Variants in CDH13 observed in about 807,000 individuals in gnomAD.
CDH13 encodes the protein cadherin 13, also known as cadherin-13.
Under a neutral mutation model 63.8 loss-of-function variants are expected in CDH13, and 24 were observed. The observed-to-expected ratio is 0.38, with a 90% CI of 0.27 to 0.53. The LOEUF is 0.53. Among genes scored for constraint, CDH13 ranks in the 20% least tolerant of loss-of-function variants. The pLI is 0.85. For missense variants in CDH13, 1,049 were observed against 903.1 expected (o/e 1.16, Z -2.07); for synonymous variants, 503 against 355.3 (o/e 1.42, Z -4.67).
At chr16:83,776,463 T>G (rs1200759124) in intron 11 of CDH13, among the ~76,000 whole-genome samples, 1 of 152,230 alleles carries the variant, frequency 6.6e-6, no homozygotes, top group African/African-American at 2.4e-5. Flanking sequence ...CCATTAGAAA[T>G]AGCCATCCTT....
At position 82,738,263 on chromosome 16, in the gene CDH13, C is replaced by G. The variant is rs1487953941; in HGVS notation, c.45+111126C>G. Reference sequence around the variant, plus strand: ...ACTTCCATTGTAAAAATAAACGTAACTGCATGGCCAATATGTTATTCTAAA... The same window carrying G: ...ACTTCCATTGTAAAAATAAACGTAAGTGCATGGCCAATATGTTATTCTAAA... On this transcript the variant is annotated intron_variant, in intron 1 of 13. Coordinates refer to ENST00000567109, the MANE Select transcript of CDH13 (RefSeq NM_001257.5). 2.6e-5 allele frequency among the ~76,000 whole-genome samples: 4 copies of G among 152,292 alleles called. No individual in the cohort carries two copies. In the East Asian group the frequency reaches 7.7e-4, roughly 29 times the overall value.
chr16:83,030,706 C>G (rs1350147960), intron 2 of CDH13, among the ~76,000 whole-genome samples: 3 of 147,800 alleles, frequency 2.0e-5, no homozygotes, highest in South Asian at 2.2e-4. Context: ...TTGAGAAGCA[C>G]TCCTCTTCAC....
At chr16:82,799,129 C>G (rs1006929349) in intron 1 of CDH13, among the ~76,000 whole-genome samples, 2 of 152,088 alleles carry the variant, frequency 1.3e-5, no homozygotes, top group Non-Finnish European at 2.9e-5. Context: ...TATATATCCC[C>G]CTAAAATGCC....
chr16:83,239,101 C>T (rs974020784), intron 5 of CDH13, among the ~76,000 whole-genome samples: 1 of 152,222 alleles, frequency 6.6e-6, no homozygotes, highest in Non-Finnish European at 1.5e-5. Flanking sequence ...CTACTTCCTA[C>T]TCTAAATATA....
At chr16:83,002,049 C>T (rs1361295301) in intron 2 of CDH13, among the ~76,000 whole-genome samples, 1 of 152,180 alleles carries the variant, frequency 6.6e-6, no homozygotes, top group African/African-American at 2.4e-5. Flanking sequence ...TTCAACGTGC[C>T]ATACTGTCTT....
At chr16:82,949,568 T>G (rs575713076) in intron 2 of CDH13, among the ~76,000 whole-genome samples, 4 of 152,322 alleles carry the variant, frequency 2.6e-5, no homozygotes, top group African/African-American at 9.6e-5. Flanking sequence ...TGCGTGCATT[T>G]GTTTTTTATA....
At chr16:83,579,396 G>A (rs1346207985) in intron 7 of CDH13, among the ~76,000 whole-genome samples, 9 of 152,124 alleles carry the variant, frequency 5.9e-5, no homozygotes, top group Non-Finnish European at 2.9e-5. Flanking sequence ...GCATGGCTAG[G>A]GAGGCCTCAG....
chr16:83,671,429 A>G (rs1914490934), intron 9 of CDH13, among the ~76,000 whole-genome samples: 2 of 152,030 alleles, frequency 1.3e-5, no homozygotes. Context: ...TTGTATTTTT[A>G]GTAGAGATGA....
chr16:83,142,224 A>C (rs950355050), intron 4 of CDH13, among the ~76,000 whole-genome samples: 1 of 136,208 alleles, frequency 7.3e-6, no homozygotes, highest in African/African-American at 2.8e-5. Flanking sequence ...GCAGTGGTGT[A>C]ATCTCAGCTC....
At chr16:82,808,025 C>A (rs996903298) in intron 1 of CDH13, among the ~76,000 whole-genome samples, 1 of 152,094 alleles carries the variant, frequency 6.6e-6, no homozygotes, top group African/African-American at 2.4e-5. Context: ...TCTTACTGAG[C>A]TCTAGGCAAG....
At position 83,050,762 on chromosome 16, in the gene CDH13, C is replaced by A. The variant is rs116336439; in HGVS notation, c.366+18544C>A. Reference sequence around the variant, plus strand: ...AACTGTGTGTTTCTGAACGCTCATACTGGGGTTAACTGTGTGAGTCTGAAC... The same window carrying A: ...AACTGTGTGTTTCTGAACGCTCATAATGGGGTTAACTGTGTGAGTCTGAAC... On this transcript the variant is annotated intron_variant, in intron 3 of 13. Transcript: ENST00000567109. 4.7e-3 allele frequency among the ~76,000 whole-genome samples: 721 copies of A among 152,236 alleles called. 3 individuals carry two copies. Among genetic ancestry groups the A allele is most frequent in the African/African-American group, 0.017 (695 of 41,538 alleles).
At chr16:83,338,578 C>G (rs1160784495) in intron 5 of CDH13, among the ~76,000 whole-genome samples, 1 of 152,200 alleles carries the variant, frequency 6.6e-6, no homozygotes. Context: ...GGAAGTGTTA[C>G]AAAGCAAGGA....
chr16:83,789,793 G>C (rs1001581121), intron 13 of CDH13, among the ~76,000 whole-genome samples: 3 of 151,896 alleles, frequency 2.0e-5, no homozygotes, highest in African/African-American at 7.3e-5. Context: ...ACCAAATCTG[G>C]TCTACTGCCC....
At chr16:83,154,195 G>A (rs1003036385) in intron 4 of CDH13, among the ~76,000 whole-genome samples, 4 of 152,086 alleles carry the variant, frequency 2.6e-5, no homozygotes, top group African/African-American at 9.7e-5. Context: ...TATCCTAAGG[G>A]AGAGCTGCTT....
intron 2 of CDH13, among the ~76,000 whole-genome samples, chr16:82,947,004 CTGTGTGTGTGTGTGTGTG>C (rs3223223): frequency 5.2e-5 from 7 of 134,918 alleles, no homozygotes; most frequent in African/African-American, 1.1e-4. Flanking sequence ...GTGCGCACGC[CTGTGTGTGTGTGTGTGTG>C]TGTGTGTGTG....
chr16:83,262,256 T>G (rs1004562733), intron 5 of CDH13, among the ~76,000 whole-genome samples: 1 of 152,108 alleles, frequency 6.6e-6, no homozygotes, highest in South Asian at 2.1e-4. Flanking sequence ...CCAGACCACA[T>G]GGGGTAATGG....
chr16:82,905,355 G>C (rs149228715), intron 2 of CDH13, among the ~76,000 whole-genome samples: 12 of 152,146 alleles, frequency 7.9e-5, no homozygotes, highest in South Asian at 2.1e-4. Context: ...TTATATATCT[G>C]ATAGTCGTTT....
intron 2 of CDH13, among the ~76,000 whole-genome samples, chr16:82,869,077 C>T (rs932374869): frequency 1.3e-5 from 2 of 152,138 alleles, no homozygotes; most frequent in African/African-American, 2.4e-5. Flanking sequence ...GATGGAGTCT[C>T]TCCCTGTTAC....
At chr16:82,969,938 T>TG (rs1908452746) in intron 2 of CDH13, among the ~76,000 whole-genome samples, 1 of 151,222 alleles carries the variant, frequency 6.6e-6, no homozygotes, top group African/African-American at 2.4e-5. Context: ...TTAGTATTTC[T>TG]CTTTTTTTTT....
Sources: allele counts gnomAD v4.1 joint callset (sites outside exome capture counted in the v4.1 genomes callset), GRCh38; gene constraint gnomAD v4.1.1; transcripts MANE v1.5; gene names NCBI Gene and HGNC (gene_info 2026-07-23, HGNC 2026-07-21).